The following POU6F2 variants were observed in gnomAD, a reference collection of about 807,000 sequenced individuals.
The protein encoded by POU6F2 is POU class 6 homeobox 2, also known as POU domain, class 6, transcription factor 2.
POU6F2 carries 31 observed loss-of-function variants against 71.3 expected under a neutral mutation model. The ratio of observed to expected loss-of-function variants is 0.43; its 90% CI spans 0.33 to 0.59. The LOEUF is 0.59. Among genes scored for constraint, POU6F2 ranks in the 20% least tolerant of loss-of-function variants. The pLI is 0.04. For missense variants in POU6F2, 783 were observed against 856.8 expected (o/e 0.91, Z 1.07); for synonymous variants, 347 against 355.7 (o/e 0.98, Z 0.27).
intron 4 of POU6F2, among the ~76,000 whole-genome samples, chr7:39,287,031 C>T (rs1319832787): frequency 6.6e-6 from 1 of 151,812 alleles, no homozygotes; most frequent in Non-Finnish European, 1.5e-5. Flanking sequence ...GAGTCTGCTT[C>T]CCCAGGGACT....
intron 8 of POU6F2, among the ~76,000 whole-genome samples, chr7:39,452,497 AG>A (rs1253711946): frequency 2.0e-5 from 3 of 152,242 alleles, no homozygotes; most frequent in African/African-American, 7.2e-5. Flanking sequence ...CCAAAAATCC[AG>A]TAGCTATGGG....
In POU6F2 at chr7:39,384,786, C is replaced by T. The variant is rs190616133; in HGVS notation, c.973-21814C>T. 5.9e-5 allele frequency among the ~76,000 whole-genome samples: 9 copies of T among 152,318 alleles called. 1 individual carries two copies. The East Asian group carries it at 1.7e-3, about 29-fold the overall frequency. Reference sequence around the variant, plus strand: ...AGCACTTCCCACTACCTAATATTGCCTTGTCTGTGGTTTATCCATTTGCTA... The same window carrying T: ...AGCACTTCCCACTACCTAATATTGCTTTGTCTGTGGTTTATCCATTTGCTA... On this transcript the variant is annotated intron_variant, in intron 5 of 9. Coordinates refer to ENST00000518318, the MANE Select transcript of POU6F2 (RefSeq NM_001370959.1).
intron 5 of POU6F2, among the ~76,000 whole-genome samples, chr7:39,344,794 G>A (rs1191696429): frequency 6.6e-6 from 1 of 152,126 alleles, no homozygotes; most frequent in East Asian, 1.9e-4. Flanking sequence ...GGAGTTTTAT[G>A]TTACAAACCC....
At chr7:39,373,364 G>C in intron 5 of POU6F2, 1 of 449,722 alleles carries the variant, frequency 2.2e-6, no homozygotes, top group Non-Finnish European at 4.5e-6. Flanking sequence ...CTACGAGGCT[G>C]ACCAATGCTA....
chr7:39,007,559 G>A (rs1789111375), intron 1 of POU6F2, among the ~76,000 whole-genome samples: 1 of 152,082 alleles, frequency 6.6e-6, no homozygotes, highest in Non-Finnish European at 1.5e-5. Flanking sequence ...AAGTTTTAGG[G>A]TACATGTGCA....
intron 4 of POU6F2, among the ~76,000 whole-genome samples, chr7:39,274,955 G>T (rs367576595): frequency 6.6e-6 from 1 of 151,720 alleles, no homozygotes; most frequent in Non-Finnish European, 1.5e-5. Flanking sequence ...TACTGAATAG[G>T]CAAAAACTGG....
At chr7:39,000,257 T>C (rs1788862794) in intron 1 of POU6F2, among the ~76,000 whole-genome samples, 1 of 152,218 alleles carries the variant, frequency 6.6e-6, no homozygotes, top group Non-Finnish European at 1.5e-5. Context: ...TTTGTGTTAC[T>C]TGAAGCTTAT....
intron 5 of POU6F2, among the ~76,000 whole-genome samples, chr7:39,367,188 T>A (rs1200753238): frequency 3.3e-5 from 5 of 152,206 alleles, no homozygotes. Context: ...AACAGTAGTT[T>A]GGGAATTATT....
chr7:39,028,815 C>CA (rs1003672283), intron 1 of POU6F2, among the ~76,000 whole-genome samples: 1 of 151,316 alleles, frequency 6.6e-6, no homozygotes, highest in African/African-American at 2.4e-5. Flanking sequence ...AAATTTTTTT[C>CA]TTTTTTTTGA....
At chr7:39,381,090 C>G (rs1228186542) in intron 5 of POU6F2, among the ~76,000 whole-genome samples, 1 of 152,184 alleles carries the variant, frequency 6.6e-6, no homozygotes, top group Non-Finnish European at 1.5e-5. Flanking sequence ...CAGAGTCTCA[C>G]TCACTCTGTC....
At chr7:39,395,906 C>G (rs935389787) in intron 5 of POU6F2, among the ~76,000 whole-genome samples, 14 of 152,146 alleles carry the variant, frequency 9.2e-5, no homozygotes, top group African/African-American at 3.1e-4. Flanking sequence ...AGAGTGCCCC[C>G]AATCACTTGT....
chr7:39,165,126 G>C (rs1485668037), intron 2 of POU6F2, among the ~76,000 whole-genome samples: 2 of 152,192 alleles, frequency 1.3e-5, no homozygotes, highest in Non-Finnish European at 2.9e-5. Flanking sequence ...GGCGCACTCA[G>C]TGTTTTCATA....
At chr7:39,197,592 T>TG (rs1214997149) in intron 2 of POU6F2, among the ~76,000 whole-genome samples, 21 of 152,364 alleles carry the variant, frequency 1.4e-4, no homozygotes, top group South Asian at 4.1e-4. Context: ...GTAAGGAGAC[T>TG]ATCCAGGGAT....
chr7:39,423,112 T>C (rs1787889830), intron 6 of POU6F2, among the ~76,000 whole-genome samples: 1 of 152,202 alleles, frequency 6.6e-6, no homozygotes, highest in African/African-American at 2.4e-5. Context: ...CATCTGAGCA[T>C]GTAATTGGTC....
rs185950682 is a variant in POU6F2, at chr7:39,200,242, T to C, written c.278-3993T>C. ...CGTCTAAGCCACTGCTGGCTCCCTGTGGTCTTCAGTCACAGGTAGAGTTTC... is the reference window on the plus strand; with the variant it reads ...CGTCTAAGCCACTGCTGGCTCCCTGCGGTCTTCAGTCACAGGTAGAGTTTC... On this transcript the variant is annotated intron_variant, in intron 2 of 9. Coordinates refer to ENST00000518318, the MANE Select transcript of POU6F2 (RefSeq NM_001370959.1). 2.6e-5 allele frequency among the ~76,000 whole-genome samples: 4 copies of C among 152,332 alleles called. No homozygotes were observed. In the East Asian group the frequency reaches 5.8e-4, roughly 22 times the overall value.
rs1420472628 is a variant in POU6F2 at position 39,467,718 on chromosome 7, A to G, written c.*3032A>G. On this transcript the variant is annotated 3_prime_UTR_variant, in exon 10 of 10. Coordinates refer to ENST00000518318, the MANE Select transcript of POU6F2 (RefSeq NM_001370959.1). Reference sequence around the variant, plus strand: ...TGTCATCACACAGATGCACACACACATACACATACAACACAAAAGAGAGAA... The same window carrying G: ...TGTCATCACACAGATGCACACACACGTACACATACAACACAAAAGAGAGAA... 6.6e-6 allele frequency: 1 copy of G among 152,236 alleles called. No individual in the cohort carries two copies. The highest frequency in any genetic ancestry group is 2.4e-5 in the African/African-American group (1 of 41,456). The allele number at this position is 152,236 out of a possible 1,614,324, so 9.4% of individuals were successfully genotyped here.
Position 39,100,122 on chromosome 7 carries a change from A to T in POU6F2, c.277+14091A>T, listed in dbSNP as rs75555525. Among the ~76,000 whole-genome samples, 289 of 152,366 alleles carry T rather than the reference A, an allele frequency of 1.9e-3. 1 individual carries two copies. Among genetic ancestry groups the T allele is most frequent in the African/African-American group, 6.5e-3 (272 of 41,596 alleles). ...GGAACATGCCTTCAACTAGAAATTC[A>T]TGGAGTCCTCATTCCTTAAGGAATT... On this transcript the variant is annotated intron_variant, in intron 2 of 9. Transcript: ENST00000518318.
At chr7:39,454,714 ATATATATAT>A (rs1788756827) in intron 8 of POU6F2, among the ~76,000 whole-genome samples, 4 of 77,756 alleles carry the variant, frequency 5.1e-5, no homozygotes, top group African/African-American at 2.0e-4. Context: ...ATATATATAT[ATATATATAT>A]ATATAAAATA....
intron 2 of POU6F2, among the ~76,000 whole-genome samples, chr7:39,086,331 C>T (rs192178257): frequency 3.9e-5 from 6 of 152,110 alleles, no homozygotes; most frequent in Non-Finnish European, 7.4e-5. Flanking sequence ...ATCAGGAAAT[C>T]GGTTCCATTG....
Sources: gnomAD v4.1 joint callset for allele counts (sites outside exome capture counted in the v4.1 genomes callset) on GRCh38, gnomAD v4.1.1 for gene constraint, MANE v1.5 for transcripts, NCBI Gene and HGNC (gene_info 2026-07-23, HGNC 2026-07-21) for gene names.